Variants in PIP4P2 observed in about 807,000 individuals in gnomAD.
The protein encoded by PIP4P2 is type 2 phosphatidylinositol 4,5-bisphosphate 4-phosphatase.
A neutral mutation model predicts 33.3 loss-of-function variants in PIP4P2; 19 were observed. That is an observed-to-expected ratio of 0.57 (90% CI 0.40 to 0.84). The LOEUF (loss-of-function observed/expected upper bound fraction) is 0.84. Among genes scored for constraint, PIP4P2 ranks in the 40% least tolerant of loss-of-function variants. The pLI is 0.00. For synonymous variants in PIP4P2, 110 were observed against 111.9 expected, an observed-to-expected ratio of 0.98 and a Z score of 0.11; for missense variants, 270 against 324.7, an observed-to-expected ratio of 0.83 and a Z score of 1.29.
At position 91,040,779 on chromosome 8, in the gene PIP4P2, C is replaced by A; in HGVS notation, c.-30G>T. On this transcript the variant is annotated 5_prime_UTR_variant, in exon 1 of 7. Transcript: ENST00000285419. ...GCGGCAGCGGCGGGGCCTGGGGAGG[C>A]CGAGCCGGGGTTGCGGCCTCGGCGG... is the stretch of plus-strand genomic sequence containing the variant. 6.2e-7 allele frequency: 1 copy of A among 1,605,320 alleles called. No homozygotes were observed. The highest frequency in any genetic ancestry group is 8.5e-7 in the Non-Finnish European group (1 of 1,176,068).
chr8:91,002,780 A>C (rs895382302), intron 5 of PIP4P2, among the ~76,000 whole-genome samples: 12 of 152,182 alleles, frequency 7.9e-5, no homozygotes, highest in African/African-American at 2.9e-4. Context: ...TTTTCTAGGT[A>C]GACAAGGGCA....
At chr8:91,032,389 C>T (rs1812174782) in intron 1 of PIP4P2, among the ~76,000 whole-genome samples, 4 of 152,048 alleles carry the variant, frequency 2.6e-5, no homozygotes. Flanking sequence ...GCATAGAAAC[C>T]CTCATAAAAT....
chr8:91,039,043 T>A (rs1202980664), intron 1 of PIP4P2, among the ~76,000 whole-genome samples: 2 of 152,196 alleles, frequency 1.3e-5, no homozygotes, highest in African/African-American at 2.4e-5. Context: ...TAGCCATTTT[T>A]AAAAAATAAC....
chr8:91,000,022 C>T (rs1302952296), intron 5 of PIP4P2, among the ~76,000 whole-genome samples: 1 of 151,670 alleles, frequency 6.6e-6, no homozygotes, highest in African/African-American at 2.4e-5. Context: ...TTTCATTTTC[C>T]TCTTATTATT....
At chr8:91,010,297 T>G (rs1186133751) in intron 4 of PIP4P2, among the ~76,000 whole-genome samples, 1 of 151,878 alleles carries the variant, frequency 6.6e-6, no homozygotes, top group Non-Finnish European at 1.5e-5. Context: ...AAATTTAAGT[T>G]TTTCATAGTT....
intron 4 of PIP4P2, among the ~76,000 whole-genome samples, chr8:91,015,710 A>G (rs986830040): frequency 6.6e-6 from 1 of 152,196 alleles, no homozygotes; most frequent in Non-Finnish European, 1.5e-5. Context: ...AGACAGGGTC[A>G]TTTATAACCT....
At chr8:91,032,433 A>C (rs894450754) in intron 1 of PIP4P2, among the ~76,000 whole-genome samples, 18 of 152,200 alleles carry the variant, frequency 1.2e-4, no homozygotes, top group African/African-American at 4.3e-4. Flanking sequence ...ATTCCTTTTC[A>C]GGAGCTACTA....
intron 1 of PIP4P2, among the ~76,000 whole-genome samples, chr8:91,034,454 T>G (rs986940043): frequency 5.9e-5 from 9 of 152,242 alleles, no homozygotes; most frequent in African/African-American, 2.2e-4. Context: ...GGGCTCTATT[T>G]TTCCTTGAAG....
At chr8:91,005,615 C>T (rs1352432670) in intron 5 of PIP4P2, among the ~76,000 whole-genome samples, 1 of 152,120 alleles carries the variant, frequency 6.6e-6, no homozygotes, top group African/African-American at 2.4e-5. Flanking sequence ...GTACTTAGCA[C>T]AGAATTGTTT....
intron 4 of PIP4P2, among the ~76,000 whole-genome samples, chr8:91,009,878 G>T (rs183888428): frequency 1.3e-5 from 2 of 151,424 alleles, no homozygotes; most frequent in Non-Finnish European, 3.0e-5. Context: ...TTATGATCTC[G>T]CTTAGTCACA....
chr8:91,040,856 T>C lies in PIP4P2; in HGVS notation c.-107A>G, dbSNP rs536389650. 18 of 865,938 alleles carry C rather than the reference T, an allele frequency of 2.1e-5. No individual in the cohort carries two copies. Among genetic ancestry groups the C allele is most frequent in the African/African-American group, 1.6e-4 (9 of 56,474 alleles). The allele number at this position is 865,938 out of a possible 1,614,324, so 53.6% of individuals were successfully genotyped here. On this transcript the variant is annotated 5_prime_UTR_variant, in exon 1 of 7. Coordinates refer to ENST00000285419, the MANE Select transcript of PIP4P2 (RefSeq NM_018710.3). The stretch of plus-strand genomic sequence containing the variant: ...CTGCCGCTGCTGCCGCTGCAGCTGC[T>C]GCTGCTGCCGCCTCCGGGAGGGCCC...
At chr8:91,028,640 CATAGGTTAATATAGGA>C (rs1812116165) in intron 1 of PIP4P2, among the ~76,000 whole-genome samples, 1 of 152,142 alleles carries the variant, frequency 6.6e-6, no homozygotes, top group Non-Finnish European at 1.5e-5. Context: ...TTCCCTGGCC[CATAGGTTAATATAGGA>C]ATGGCCAAGT....
At chr8:91,004,740 T>C (rs566861995) in intron 5 of PIP4P2, among the ~76,000 whole-genome samples, 23 of 151,986 alleles carry the variant, frequency 1.5e-4, no homozygotes, top group Non-Finnish European at 2.8e-4. Context: ...GAAGTGAGCA[T>C]GGATAAAGAC....
intron 4 of PIP4P2, among the ~76,000 whole-genome samples, chr8:91,010,998 T>C: frequency 6.8e-6 from 1 of 147,708 alleles, no homozygotes; most frequent in South Asian, 2.1e-4. Flanking sequence ...AACTAATAAT[T>C]TAATTTTATA....
intron 5 of PIP4P2, among the ~76,000 whole-genome samples, chr8:91,003,697 T>C (rs987963780): frequency 2.0e-5 from 3 of 151,972 alleles, no homozygotes; most frequent in Admixed American, 6.6e-5. Context: ...CAAAGAAATA[T>C]CTGGGGTCAT....
chr8:91,021,543 T>C, intron 1 of PIP4P2, 139 bp from the exon 2 acceptor site: 1 of 969,638 alleles, frequency 1.0e-6, no homozygotes, highest in East Asian at 2.6e-5. Flanking sequence ...CTAGCCAATT[T>C]ATCTTACTTT....
chr8:91,035,151 T>G (rs1812218229), intron 1 of PIP4P2, among the ~76,000 whole-genome samples: 1 of 152,226 alleles, frequency 6.6e-6, no homozygotes, highest in African/African-American at 2.4e-5. Flanking sequence ...ACATGTTTTT[T>G]AAAGGTGAAA....
At chr8:91,014,347 T>G (rs1350919455) in intron 4 of PIP4P2, among the ~76,000 whole-genome samples, 1 of 152,002 alleles carries the variant, frequency 6.6e-6, no homozygotes, top group Non-Finnish European at 1.5e-5. Flanking sequence ...ACAACCCAAA[T>G]CTCCATCGAC....
At chr8:91,031,492 C>CA (rs1282883088) in intron 1 of PIP4P2, among the ~76,000 whole-genome samples, 1 of 152,094 alleles carries the variant, frequency 6.6e-6, no homozygotes, top group Non-Finnish European at 1.5e-5. Flanking sequence ...TTAAAAATGT[C>CA]AAAAAATTCG....
Sources: allele counts gnomAD v4.1 joint callset (sites outside exome capture counted in the v4.1 genomes callset), GRCh38; gene constraint gnomAD v4.1.1; transcripts MANE v1.5; gene names NCBI Gene and HGNC (gene_info 2026-07-23, HGNC 2026-07-21).